The following RHOBTB2 variants were observed in gnomAD, a reference collection of about 807,000 sequenced individuals.
The protein encoded by RHOBTB2 is Rho related BTB domain containing 2, also known as rho-related BTB domain-containing protein 2.
Under a neutral mutation model 66.5 loss-of-function variants are expected in RHOBTB2, and 39 were observed. The ratio of observed to expected loss-of-function variants is 0.59; its 90% CI spans 0.45 to 0.77. The LOEUF is 0.77. RHOBTB2 is among the 30% of genes least tolerant of loss of function. The pLI is 0.00. For synonymous variants in RHOBTB2, 390 were observed against 395.0 expected (o/e 0.99, Z 0.15); for missense variants, 755 against 999.1 (o/e 0.76, Z 3.29).
At chr8:23,010,213 G>A (rs1433639650) in intron 6 of RHOBTB2, among the ~76,000 whole-genome samples, 1 of 152,220 alleles carries the variant, frequency 6.6e-6, no homozygotes, top group East Asian at 1.9e-4. Flanking sequence ...TACTGAGGAG[G>A]CTGAGGCAGG....
chr8:22,958,487 T>C, the RHOBTB2 span, among the ~76,000 whole-genome samples: 1 of 152,014 alleles, frequency 6.6e-6, no homozygotes, highest in Non-Finnish European at 1.5e-5. Flanking sequence ...GAAAGACACA[T>C]ATGAAATTAG....
At chr8:22,960,312 C>A in the RHOBTB2 span, among the ~76,000 whole-genome samples, 2 of 151,480 alleles carry the variant, frequency 1.3e-5, no homozygotes, top group Non-Finnish European at 2.9e-5. Context: ...CTCCCCTCCC[C>A]TCCCCTCCCC....
rs1811346075 is a variant in RHOBTB2 at position 23,018,003 on chromosome 8, T to C, written c.*534T>C. The C allele has an allele frequency of 6.2e-6, 1 of 160,370 alleles. No homozygotes were observed. The highest frequency in any genetic ancestry group is 5.8e-5 in the Admixed American group (1 of 17,246). The allele number at this position is 160,370 out of a possible 1,614,324, so 9.9% of individuals were successfully genotyped here. On this transcript the variant is annotated 3_prime_UTR_variant, in exon 10 of 10. Transcript: ENST00000251822. ...AGAAATTGAGCCTTCAGAGCCCAAC[T>C]CAAGGCTTCTACATCCTGGGGTGCA...
Position 23,004,318 on chromosome 8 carries a change from G to A in RHOBTB2, c.-10-107G>A. On this transcript the variant is annotated intron_variant, in intron 1 of 9. Transcript: ENST00000251822. The surrounding 1 kb of genome is among the most constrained non-coding windows in gnomAD (Gnocchi z 6.4). ...TCCTTCCTCCTCCTGTCAGCTCCGG[G>A]GCTTGCAGAGGGGGCAGCCTGGCTG... 1 of 929,232 alleles carries A rather than the reference G, an allele frequency of 1.1e-6. No individual in the cohort carries two copies. The highest frequency in any genetic ancestry group is 1.4e-5 in the South Asian group (1 of 69,586). 57.6% of individuals were successfully genotyped at this position (929,232 alleles called of 1,614,324 possible).
Position 23,000,102 on chromosome 8 carries a change from T to C in RHOBTB2, c.-14T>C. 9.1e-6 allele frequency: 9 copies of C among 985,382 alleles called. No individual in the cohort carries two copies. Among genetic ancestry groups the C allele is most frequent in the Non-Finnish European group, 1.1e-5 (9 of 829,934 alleles). The allele number at this position is 985,382 out of a possible 1,614,324, so 61.0% of individuals were successfully genotyped here. A position where few individuals can be genotyped will look rare whatever the true frequency, so the allele number is the denominator to read the frequency against. ...CTAGAAGCCACCCCGTCACATGTAG[T>C]GGTGTAAGTAGATGGCTGCTTGCGG... On this transcript the variant is annotated 5_prime_UTR_variant, in exon 1 of 10. Coordinates refer to ENST00000251822, the MANE Select transcript of RHOBTB2 (RefSeq NM_015178.3).
chr8:22,972,448 G>C, the RHOBTB2 span, among the ~76,000 whole-genome samples: 2 of 152,140 alleles, frequency 1.3e-5, no homozygotes, highest in African/African-American at 4.8e-5. Flanking sequence ...CTGGTATACT[G>C]CTTCATGTCT....
the RHOBTB2 span, among the ~76,000 whole-genome samples, chr8:22,971,073 A>T: frequency 6.6e-6 from 1 of 152,290 alleles, no homozygotes; most frequent in Non-Finnish European, 1.5e-5. Context: ...TCCCAACATG[A>T]GGGAGAAGCC....
In RHOBTB2 at chr8:22,999,936, G is replaced by T; in HGVS notation, c.-180G>T. The T allele has an allele frequency of 2.0e-6, 2 of 985,404 alleles. No homozygotes were observed. Among genetic ancestry groups the T allele is most frequent in the Non-Finnish European group, 2.4e-6 (2 of 829,936 alleles). 61.0% of individuals were successfully genotyped at this position (985,404 alleles called of 1,614,324 possible). A position where few individuals can be genotyped will look rare whatever the true frequency, so the allele number is the denominator to read the frequency against. ...CCTGGGCTGCCCTGCCGGAGTTTCT[G>T]AGTGGCCGCGAGCTGGCCGGGAGGC... On this transcript the variant is annotated 5_prime_UTR_variant, in exon 1 of 10. The change abolishes the stop of an existing upstream ORF in the 5' untranslated region. Transcript: ENST00000251822.
At chr8:22,989,128 G>A (rs1330416123) in intron 1 of RHOBTB2, among the ~76,000 whole-genome samples, 1 of 152,120 alleles carries the variant, frequency 6.6e-6, no homozygotes, top group Non-Finnish European at 1.5e-5. Flanking sequence ...AAAGTCACGT[G>A]CCTTGAAGCA....
the RHOBTB2 span, among the ~76,000 whole-genome samples, chr8:22,956,901 C>T: frequency 6.6e-6 from 1 of 152,112 alleles, no homozygotes; most frequent in Non-Finnish European, 1.5e-5. Flanking sequence ...TTTAGGTGAT[C>T]CACCCGCCTC....
At chr8:23,014,052 G>T (rs1051729804) in intron 7 of RHOBTB2, among the ~76,000 whole-genome samples, 14 of 152,264 alleles carry the variant, frequency 9.2e-5, no homozygotes, top group Admixed American at 3.9e-4. Flanking sequence ...ACTGGTATTT[G>T]TGTGCACTAG....
intron 7 of RHOBTB2, among the ~76,000 whole-genome samples, chr8:23,012,092 G>A (rs1811165810): frequency 6.6e-6 from 1 of 152,160 alleles, no homozygotes; most frequent in African/African-American, 2.4e-5. Flanking sequence ...AGCTACAACA[G>A]TATATCTTGT....
At chr8:22,990,805 A>C (rs1810407039) in intron 1 of RHOBTB2, among the ~76,000 whole-genome samples, 1 of 152,126 alleles carries the variant, frequency 6.6e-6, no homozygotes, top group African/African-American at 2.4e-5. Context: ...CCCGCATCCC[A>C]GGCCATCTGG....
the RHOBTB2 span, among the ~76,000 whole-genome samples, chr8:22,976,515 A>G: frequency 6.6e-6 from 1 of 152,246 alleles, no homozygotes; most frequent in Non-Finnish European, 1.5e-5. Flanking sequence ...TTTCTACCCA[A>G]CAAAGTGCCA....
chr8:22,980,435 A>G, the RHOBTB2 span, among the ~76,000 whole-genome samples: 1 of 152,250 alleles, frequency 6.6e-6, no homozygotes, highest in East Asian at 1.9e-4. Flanking sequence ...ATGAATTATA[A>G]CTGCATGTTC....
chr8:22,964,824 A>G, the RHOBTB2 span, among the ~76,000 whole-genome samples: 5 of 113,804 alleles, frequency 4.4e-5, no homozygotes, highest in Non-Finnish European at 8.3e-5. Context: ...TTATTTATTT[A>G]TTTATTTATT....
chr8:22,991,818 T>C (rs553219852), intron 1 of RHOBTB2, among the ~76,000 whole-genome samples: 2 of 152,128 alleles, frequency 1.3e-5, no homozygotes, highest in Non-Finnish European at 2.9e-5. Context: ...CCCCTGGCAA[T>C]CCTCCAACCT....
the RHOBTB2 span, among the ~76,000 whole-genome samples, chr8:22,952,432 C>A: frequency 6.6e-6 from 1 of 152,156 alleles, no homozygotes; most frequent in Non-Finnish European, 1.5e-5. Flanking sequence ...GTCTGTACTT[C>A]TTCCCCAAAG....
At chr8:22,960,145 T>G in the RHOBTB2 span, among the ~76,000 whole-genome samples, 1 of 150,418 alleles carries the variant, frequency 6.6e-6, no homozygotes. Flanking sequence ...ATCACGGCAC[T>G]GTACTCTAGC....
Sources: allele counts gnomAD v4.1 joint callset (sites outside exome capture counted in the v4.1 genomes callset), GRCh38; gene constraint gnomAD v4.1.1; non-coding constraint Gnocchi (gnomAD v3.1); transcripts MANE v1.5; gene names NCBI Gene and HGNC (gene_info 2026-07-23, HGNC 2026-07-21).